The following PPP1R9A variants were observed in gnomAD, a reference collection of about 807,000 sequenced individuals.
PPP1R9A encodes neurabin-1.
A neutral mutation model predicts 141.9 loss-of-function variants in PPP1R9A; 59 were observed. The ratio of observed to expected loss-of-function variants is 0.42; its 90% CI spans 0.34 to 0.52. PPP1R9A has a LOEUF of 0.52. PPP1R9A is among the 20% of genes least tolerant of loss of function. The pLI is 0.10. For synonymous variants in PPP1R9A, 500 were observed against 569.7 expected (o/e 0.88, Z 1.74); for missense variants, 1,444 against 1,611.9 (o/e 0.90, Z 1.78).
At chr7:95,017,697 T>C (rs1015792984) in intron 2 of PPP1R9A, among the ~76,000 whole-genome samples, 2 of 152,200 alleles carry the variant, frequency 1.3e-5, no homozygotes, top group African/African-American at 4.8e-5. Flanking sequence ...CCTACCTGAT[T>C]TGAAGAACTA....
intron 2 of PPP1R9A, among the ~76,000 whole-genome samples, chr7:95,016,568 T>G (rs1373049414): frequency 6.6e-6 from 1 of 152,008 alleles, no homozygotes; most frequent in Non-Finnish European, 1.5e-5. Flanking sequence ...CTAAAGTCAA[T>G]CAGTGTAATT....
chr7:94,962,778 A>C (rs758307358), intron 2 of PPP1R9A, among the ~76,000 whole-genome samples: 4 of 152,114 alleles, frequency 2.6e-5, no homozygotes, highest in Non-Finnish European at 5.9e-5. Flanking sequence ...GAGTGACTAC[A>C]GTGTCATTGA....
At chr7:94,930,262 G>A (rs1793990071) in intron 2 of PPP1R9A, among the ~76,000 whole-genome samples, 1 of 152,172 alleles carries the variant, frequency 6.6e-6, no homozygotes, top group Non-Finnish European at 1.5e-5. Flanking sequence ...GAGAAATAGA[G>A]TTTGAGAAAT....
At chr7:95,086,656 C>CT (rs1816670685) in intron 2 of PPP1R9A, among the ~76,000 whole-genome samples, 1 of 151,986 alleles carries the variant, frequency 6.6e-6, no homozygotes. Context: ...TTTTGCTGCA[C>CT]TAGGCCAAGC....
chr7:95,111,445 A>C lies in PPP1R9A; in HGVS notation c.1528+54A>C, dbSNP rs115363206. On this transcript the variant is annotated intron_variant, in intron 3 of 19. Transcript: ENST00000433360. The stretch of plus-strand genomic sequence containing the variant: ...TTATGTTGCTATGTTAATAATACAG[A>C]ATTATTTTTCCAAAATGTAGCCTTT... 2.2e-5 allele frequency: 32 copies of C among 1,479,578 alleles called. No individual in the cohort carries two copies. In the Admixed American group the frequency reaches 6.2e-4, roughly 29 times the overall value. 91.7% of individuals were successfully genotyped at this position (1,479,578 alleles called of 1,614,324 possible).
intron 8 of PPP1R9A, among the ~76,000 whole-genome samples, chr7:95,240,958 A>G (rs1247115242): frequency 1.3e-5 from 2 of 151,838 alleles, no homozygotes; most frequent in Admixed American, 6.6e-5. Context: ...TAGGTTAGTC[A>G]GTAATTATTC....
chr7:95,113,413 T>C (rs904031923), intron 3 of PPP1R9A, among the ~76,000 whole-genome samples: 1 of 152,204 alleles, frequency 6.6e-6, no homozygotes, highest in Non-Finnish European at 1.5e-5. Flanking sequence ...AACTTATCCA[T>C]TTATGAGTGA....
At chr7:95,217,747 T>A (rs1385390483) in intron 7 of PPP1R9A, among the ~76,000 whole-genome samples, 2 of 152,200 alleles carry the variant, frequency 1.3e-5, no homozygotes, top group Non-Finnish European at 2.9e-5. Context: ...GATTTTCTAG[T>A]TTATTTGCGT....
intron 4 of PPP1R9A, among the ~76,000 whole-genome samples, chr7:95,143,584 G>T (rs1471446563): frequency 6.6e-6 from 1 of 151,996 alleles, no homozygotes. Context: ...TGATTTTATT[G>T]GTATTTACCC....
chr7:95,214,734 TA>T (rs1388110853), intron 7 of PPP1R9A, among the ~76,000 whole-genome samples: 3 of 152,078 alleles, frequency 2.0e-5, no homozygotes, highest in Non-Finnish European at 4.4e-5. Context: ...AGGAAGGGGA[TA>T]AAAACTAAAG....
intron 4 of PPP1R9A, among the ~76,000 whole-genome samples, chr7:95,151,519 A>G (rs75534737): frequency 0.011 from 1,743 of 152,286 alleles, 24 homozygotes; most frequent in African/African-American, 0.03. Context: ...CAATGAAACC[A>G]TTCTGTATGA....
chr7:95,095,445 T>C (rs940693057), intron 2 of PPP1R9A, among the ~76,000 whole-genome samples: 1 of 152,194 alleles, frequency 6.6e-6, no homozygotes, highest in Non-Finnish European at 1.5e-5. Context: ...ACACTAAGAA[T>C]AATGAGATAA....
intron 2 of PPP1R9A, among the ~76,000 whole-genome samples, chr7:94,950,667 C>T (rs994280454): frequency 6.6e-6 from 1 of 151,950 alleles, no homozygotes; most frequent in Non-Finnish European, 1.5e-5. Flanking sequence ...TATAATTATA[C>T]AACTTTTGTT....
chr7:94,969,630 C>G (rs558130637), intron 2 of PPP1R9A, among the ~76,000 whole-genome samples: 1 of 152,212 alleles, frequency 6.6e-6, no homozygotes, highest in East Asian at 1.9e-4. Flanking sequence ...GGGTCAGCAA[C>G]GCACTTGAGG....
chr7:94,965,699 C>T (rs904750380), intron 2 of PPP1R9A, among the ~76,000 whole-genome samples: 1 of 152,038 alleles, frequency 6.6e-6, no homozygotes, highest in Non-Finnish European at 1.5e-5. Context: ...GGTAGCAGTA[C>T]CATGCTGTTT....
intron 8 of PPP1R9A, among the ~76,000 whole-genome samples, chr7:95,235,982 A>C (rs1159084035): frequency 6.6e-6 from 1 of 152,122 alleles, no homozygotes; most frequent in Non-Finnish European, 1.5e-5. Context: ...TGGACTTTGG[A>C]GACTCAAGTG....
chr7:95,208,095 A>G (rs1791228070), intron 7 of PPP1R9A, among the ~76,000 whole-genome samples: 2 of 152,210 alleles, frequency 1.3e-5, no homozygotes, highest in South Asian at 4.1e-4. Context: ...AATACATGAG[A>G]AATAACCATG....
intron 2 of PPP1R9A, among the ~76,000 whole-genome samples, chr7:95,011,880 A>G (rs1360133177): frequency 2.0e-5 from 3 of 152,190 alleles, no homozygotes; most frequent in East Asian, 1.9e-4. Flanking sequence ...CTGATGTGCT[A>G]TGTCATGGCA....
intron 2 of PPP1R9A, among the ~76,000 whole-genome samples, chr7:95,108,302 C>CGTTTCTTT (rs1204011323): frequency 3.1e-4 from 21 of 68,760 alleles, no homozygotes; most frequent in Middle Eastern, 7.9e-3. Flanking sequence ...TTTTTCGTTT[C>CGTTTCTTT]TTTTCTTTTT....
Sources: allele counts gnomAD v4.1 joint callset (sites outside exome capture counted in the v4.1 genomes callset), GRCh38; gene constraint gnomAD v4.1.1; transcripts MANE v1.5; gene names NCBI Gene and HGNC (gene_info 2026-07-23, HGNC 2026-07-21).